The following SLC25A29 variants were observed in gnomAD, a reference collection of about 807,000 sequenced individuals.
SLC25A29 encodes the protein mitochondrial basic amino acids transporter.
Under a neutral mutation model 10.0 loss-of-function variants are expected in SLC25A29, and 13 were observed. That is an observed-to-expected ratio of 1.30 (90% CI 0.85 to 2.07). The LOEUF (loss-of-function observed/expected upper bound fraction) is 2.07. Ranked by LOEUF, SLC25A29 falls within the 30% of genes most tolerant of loss-of-function variation. SLC25A29 has a pLI of 0.00. For missense variants in SLC25A29, 475 were observed against 447.6 expected, an observed-to-expected ratio of 1.06 and a Z score of -0.55; for synonymous variants, 244 against 221.1, an observed-to-expected ratio of 1.10 and a Z score of -0.92.
intron 2 of SLC25A29, chr14:100,298,351 C>T (rs931042819): frequency 2.5e-5 from 4 of 160,320 alleles, no homozygotes; most frequent in Non-Finnish European, 4.1e-5. Context: ...CCTGGAACTC[C>T]GGTTCATGGA....
At chr14:100,287,586 G>A (rs112102194), downstream of SLC25A29, among the ~76,000 whole-genome samples, 14 of 146,324 alleles carry the variant, frequency 9.6e-5, no homozygotes, top group Admixed American at 2.8e-4. Flanking sequence ...TTCTTCTGCC[G>A]TTTATTCCCC....
chr14:100,297,687 C>T, intron 2 of SLC25A29, among the ~76,000 whole-genome samples: 1 of 152,238 alleles, frequency 6.6e-6, no homozygotes, highest in East Asian at 1.9e-4. Context: ...CAGGCCGGTG[C>T]AGCAAACGTG....
chr14:100,298,636 G>A lies in SLC25A29; in HGVS notation c.78+206C>T, dbSNP rs949126821. 87 of 652,470 alleles carry A rather than the reference G, an allele frequency of 1.3e-4. No individual in the cohort carries two copies. The African/African-American group carries it at 1.5e-3, about 11-fold the overall frequency. 40.4% of individuals were successfully genotyped at this position (652,470 alleles called of 1,614,324 possible). A position where few individuals can be genotyped will look rare whatever the true frequency, so the allele number is the denominator to read the frequency against. On this transcript the variant is annotated intron_variant, in intron 2 of 3. Coordinates refer to ENST00000359232, the MANE Select transcript of SLC25A29 (RefSeq NM_001039355.3). The stretch of plus-strand genomic sequence containing the variant: ...CTCGGTTCCAGCTGGCCAAGCCCAG[G>A]ATGGACTTGGCCATGAACCCAGCAT...
chr14:100,293,294 GC>G lies in SLC25A29; in HGVS notation c.161del (p.Ser54ThrfsTer293). 6.2e-7 allele frequency: 1 copy of G among 1,612,966 alleles called. No homozygotes were observed. The highest frequency in any genetic ancestry group is 8.5e-7 in the Non-Finnish European group (1 of 1,179,906). ...AGCCCCACCAGCCCAGGCCACTCACGCTCTCTTGCTTGATGATGGACTTGAA... is the reference window on the plus strand; with the variant it reads ...AGCCCCACCAGCCCAGGCCACTCACGTCTCTTGCTTGATGATGGACTTGAA... ...HCFKSIIKQE[S>X]VLGLYKGLGS... On this transcript the variant is annotated frameshift_variant and splice_region_variant, in exon 3 of 4. Transcript: ENST00000359232. LOFTEE classifies it low-confidence loss of function (END_TRUNC).
the SLC25A29 span, chr14:100,281,060 C>CAAAAAAAAAAAAAAAA: frequency 8.4e-5 from 4 of 47,776 alleles, 2 homozygotes; most frequent in African/African-American, 4.0e-4. Flanking sequence ...ACTCCGTCTC[C>CAAAAAAAAAAAAAAAA]CAAAAAAAAA....
At chr14:100,293,231 G>A (rs1891892659) in intron 3 of SLC25A29, 63 bp downstream of exon 3, 2 of 1,566,814 alleles carry the variant, frequency 1.3e-6, no homozygotes, top group South Asian at 1.1e-5. Flanking sequence ...CTGGGGTGGT[G>A]GCAGCCCGGA....
downstream of SLC25A29, among the ~76,000 whole-genome samples, chr14:100,289,644 A>G (rs1428701750): frequency 1.3e-5 from 2 of 151,990 alleles, no homozygotes; most frequent in East Asian, 3.9e-4. Context: ...GGAGTTTGAG[A>G]CCAGCCTGGT....
In SLC25A29 at chr14:100,292,725, G is replaced by A. The variant is rs754028487; in HGVS notation, c.470C>T (p.Thr157Met). ...LRGVNRGMVS[T>M]LLRETPSFGV... Reference sequence around the variant, plus strand: ...GAAGCTGGGCGTCTCACGCAGCAACGTGGACACCATGCCCCGGTTGACGCC... The same window carrying A: ...GAAGCTGGGCGTCTCACGCAGCAACATGGACACCATGCCCCGGTTGACGCC... Residue 157 changes from threonine (T) to methionine (M), a missense_variant, in exon 4 of 4, where the codon ACG becomes ATG. Thr to Met is a moderately conservative substitution (Grantham distance 81, BLOSUM62 -1). Transcript: ENST00000359232. The A allele has an allele frequency of 2.5e-6, 4 of 1,602,740 alleles. No individual in the cohort carries two copies. Among genetic ancestry groups the A allele is most frequent in the South Asian group, 2.2e-5 (2 of 89,622 alleles).
chr14:100,286,511 C>G (rs28402232), downstream of SLC25A29, among the ~76,000 whole-genome samples: 128,854 of 134,608 alleles, frequency 0.96, 61,742 homozygotes, highest in East Asian at 1. Flanking sequence ...CTGGTGGGGG[C>G]GTCTGGCATT....
chr14:100,295,102 TCA>T (rs1892048628), intron 2 of SLC25A29: 1 of 160,460 alleles, frequency 6.2e-6, no homozygotes, highest in South Asian at 1.7e-4. Flanking sequence ...TCTTTGCAGA[TCA>T]CAGACACTGG....
chr14:100,297,271 C>T (rs1183816592), intron 2 of SLC25A29, among the ~76,000 whole-genome samples: 1 of 152,238 alleles, frequency 6.6e-6, no homozygotes, highest in Non-Finnish European at 1.5e-5. Flanking sequence ...GGAGTAAAAT[C>T]TCATGGGCTG....
chr14:100,279,461 G>C, the SLC25A29 span: 1 of 152,148 alleles, frequency 6.6e-6, no homozygotes, highest in African/African-American at 2.4e-5. Context: ...CATTTAACTT[G>C]AGACCCTTTA....
downstream of SLC25A29, among the ~76,000 whole-genome samples, chr14:100,288,830 C>T (rs1038795597): frequency 6.6e-6 from 1 of 152,180 alleles, no homozygotes; most frequent in East Asian, 1.9e-4. Flanking sequence ...ATACAGAGCC[C>T]TGTTGAAGGT....
chr14:100,292,768 C>A lies in SLC25A29; in HGVS notation c.427G>T (p.Gly143Trp). Reference protein sequence around the residue: ...GSLDCLAQIYGHEGLRGVNRG... With the variant: ...GSLDCLAQIYWHEGLRGVNRG... ...TTGACGCCACGCAGACCCTCGTGCCCGTAGATCTGCGCGAGGCAGTCCAGC... is the reference window on the plus strand; with the variant it reads ...TTGACGCCACGCAGACCCTCGTGCCAGTAGATCTGCGCGAGGCAGTCCAGC... The change falls in exon 4 of 4, where the codon GGG (glycine) becomes TGG (tryptophan). Residue 143 changes from glycine to tryptophan, a missense_variant. Transcript: ENST00000359232. 6.2e-7 allele frequency: 1 copy of A among 1,600,074 alleles called. No homozygotes were observed. Among genetic ancestry groups the A allele is most frequent in the Non-Finnish European group, 8.5e-7 (1 of 1,174,870 alleles).
At chr14:100,284,490 C>G in the SLC25A29 span, among the ~76,000 whole-genome samples, 1 of 152,146 alleles carries the variant, frequency 6.6e-6, no homozygotes, top group Non-Finnish European at 1.5e-5. Flanking sequence ...TACTTCCTAC[C>G]GAAAAATCCA....
Position 100,292,154 on chromosome 14 carries a change from A to AT in SLC25A29, c.*128dup. ...CAAAACTACCCAGCTGATCAGCAAA[A>AT]TTCAGCCCACGTCTGATAGACTCCA... On this transcript the variant is annotated 3_prime_UTR_variant, in exon 4 of 4. Coordinates refer to ENST00000359232, the MANE Select transcript of SLC25A29 (RefSeq NM_001039355.3). 1 of 1,289,900 alleles carries AT rather than the reference A, an allele frequency of 7.8e-7. No homozygotes were observed. The highest frequency in any genetic ancestry group is 1.1e-6 in the Non-Finnish European group (1 of 930,376). The allele number at this position is 1,289,900 out of a possible 1,614,324, so 79.9% of individuals were successfully genotyped here.
At chr14:100,295,088 G>A (rs1236899564) in intron 2 of SLC25A29, 2 of 158,632 alleles carry the variant, frequency 1.3e-5, no homozygotes, top group Admixed American at 6.0e-5. Context: ...GTAGTGTTGT[G>A]AAGTCTTTGC....
chr14:100,287,634 C>G (rs767444681), downstream of SLC25A29, among the ~76,000 whole-genome samples: 11 of 112,250 alleles, frequency 9.8e-5, no homozygotes, highest in Admixed American at 4.5e-4. Context: ...CACCACCCCC[C>G]CCCTCCGAAT....
At chr14:100,299,092 A>C in intron 1 of SLC25A29, 1 of 1,421,194 alleles carries the variant, frequency 7.0e-7, no homozygotes, top group Non-Finnish European at 9.2e-7. Flanking sequence ...TGACATCCCA[A>C]GGCCAAGCCA....
Sources: gnomAD v4.1 joint callset for allele counts (sites outside exome capture counted in the v4.1 genomes callset) on GRCh38, gnomAD v4.1.1 for gene constraint, MANE v1.5 for transcripts, NCBI Gene and HGNC (gene_info 2026-07-23, HGNC 2026-07-21) for gene names.